Variants in KLHL12 observed in about 807,000 individuals in gnomAD.
KLHL12 encodes the protein kelch-like protein 12.
In KLHL12, 17 loss-of-function variants were observed where a neutral mutation model predicts 60.8. That is an observed-to-expected ratio of 0.28 (90% CI 0.19 to 0.42). The LOEUF (loss-of-function observed/expected upper bound fraction) is 0.42. KLHL12 is among the 10% of genes least tolerant of loss of function. The pLI is 1.00. For missense variants in KLHL12, 468 were observed against 722.3 expected (o/e 0.65, Z 4.04); for synonymous variants, 220 against 250.9 (o/e 0.88, Z 1.16).
upstream of KLHL12, among the ~76,000 whole-genome samples, chr1:202,927,565 C>G (rs1240374651): frequency 6.7e-6 from 1 of 149,148 alleles, no homozygotes; most frequent in Non-Finnish European, 1.5e-5. Flanking sequence ...CGCCTGTAGT[C>G]CCAGCTACTC....
chr1:202,918,471 T>C (rs1660590335), intron 3 of KLHL12, 83 bp from the exon 4 acceptor site: 2 of 1,038,274 alleles, frequency 1.9e-6, no homozygotes, highest in African/African-American at 3.2e-5. Flanking sequence ...CAGCATCTTC[T>C]CTACATGTTA....
chr1:202,895,502 GC>G lies in KLHL12; in HGVS notation c.1135+19del. On this transcript the variant is annotated intron_variant, in intron 8 of 11. Coordinates refer to ENST00000367261, the MANE Select transcript of KLHL12 (RefSeq NM_021633.4). This position sits in a 1 kb window ranked among gnomAD's most constrained non-coding sequence, Gnocchi z 4.2. ...CAGCCACAGTAAGATGGAAATAATT[GC>G]CCTGCACATCCAGCCTACCTCCCAG... 6.2e-7 allele frequency: 1 copy of G among 1,604,438 alleles called. No homozygotes were observed. Among genetic ancestry groups the G allele is most frequent in the Non-Finnish European group, 8.5e-7 (1 of 1,174,318 alleles).
At chr1:202,902,756 A>G (rs1358184450) in intron 6 of KLHL12, among the ~76,000 whole-genome samples, 1 of 152,128 alleles carries the variant, frequency 6.6e-6, no homozygotes, top group Non-Finnish European at 1.5e-5. Flanking sequence ...TTGGGAGGCC[A>G]AAGCAGGCAG....
intron 6 of KLHL12, among the ~76,000 whole-genome samples, chr1:202,899,265 T>C (rs921340876): frequency 3.9e-5 from 6 of 152,290 alleles, no homozygotes; most frequent in African/African-American, 4.8e-5. Flanking sequence ...TGAGCTGAGA[T>C]AGCGCCACTA....
intron 6 of KLHL12, among the ~76,000 whole-genome samples, chr1:202,908,625 A>C (rs1308246138): frequency 6.6e-6 from 1 of 152,142 alleles, no homozygotes; most frequent in Non-Finnish European, 1.5e-5. Flanking sequence ...GAATGGAAAA[A>C]CCACATAAGG....
chr1:202,893,822 T>C lies in KLHL12; in HGVS notation c.1393+362A>G, dbSNP rs1196069158. On this transcript the variant is annotated intron_variant, in intron 10 of 11. Transcript: ENST00000367261. The surrounding 1 kb of genome is among the most constrained non-coding windows in gnomAD (Gnocchi z 4.1). Reference sequence around the variant, plus strand: ...AACAGCACAGTGCTCTCTCCTTTTCTATATCCCAGCCTGCTCCACTTCAAA... The same window carrying C: ...AACAGCACAGTGCTCTCTCCTTTTCCATATCCCAGCCTGCTCCACTTCAAA... Among the ~76,000 whole-genome samples, 1 of 152,238 alleles carries C rather than the reference T, an allele frequency of 6.6e-6. No homozygotes were observed. The highest frequency in any genetic ancestry group is 1.5e-5 in the Non-Finnish European group (1 of 68,044).
Position 202,895,454 on chromosome 1 carries a change from A to C in KLHL12, c.1135+68T>G, listed in dbSNP as rs1659803587. 10 of 1,338,280 alleles carry C rather than the reference A, an allele frequency of 7.5e-6. No individual in the cohort carries two copies. The highest frequency in any genetic ancestry group is 1.0e-5 in the Non-Finnish European group (10 of 958,776). The allele number at this position is 1,338,280 out of a possible 1,614,324, so 82.9% of individuals were successfully genotyped here. A position where few individuals can be genotyped will look rare whatever the true frequency, so the allele number is the denominator to read the frequency against. ...GTATTTCATGCTCCTGCCAGACAAC[A>C]GGAGAGGTTAAAAACCCTGGTCCAG... On this transcript the variant is annotated intron_variant, in intron 8 of 11. Transcript: ENST00000367261. The surrounding 1 kb of genome is among the most constrained non-coding windows in gnomAD (Gnocchi z 4.2).
At chr1:202,894,549 C>T (rs1185474469) in intron 9 of KLHL12, 42 bp downstream of exon 9, 1 of 1,599,428 alleles carries the variant, frequency 6.3e-7, no homozygotes, top group Non-Finnish European at 8.6e-7. Context: ...CAGCCCATTA[C>T]CCATTGAGTT....
At chr1:202,922,383 T>C (rs1571544331) in intron 2 of KLHL12, among the ~76,000 whole-genome samples, 2 of 143,900 alleles carry the variant, frequency 1.4e-5, no homozygotes, top group Non-Finnish European at 3.0e-5. Context: ...CTGGCTAACA[T>C]GGTGAAACCC....
chr1:202,895,529 G>A lies in KLHL12; in HGVS notation c.1128C>T (p.Thr376=), dbSNP rs780003210. The A allele has an allele frequency of 1.2e-6, 2 of 1,613,240 alleles. No homozygotes were observed. Among genetic ancestry groups the A allele is most frequent in the Non-Finnish European group, 1.7e-6 (2 of 1,179,584 alleles). Residue 376 remains threonine, a synonymous_variant, in exon 8 of 12, where the codon ACC becomes ACT. Coordinates refer to ENST00000367261, the MANE Select transcript of KLHL12 (RefSeq NM_021633.4). The surrounding 1 kb of genome is among the most constrained non-coding windows in gnomAD (Gnocchi z 4.2). The stretch of plus-strand genomic sequence containing the variant: ...CCTGCACATCCAGCCTACCTCCCAG[G>A]GTGGTGGCTCCAGCAAGACCTCGTC... ...NVRRGLAGAT[T]LGDMIYVSGG... is the part of the protein sequence containing the mutation.
At position 202,918,816 on chromosome 1, in the gene KLHL12, T is replaced by G. The variant is rs999727654; in HGVS notation, c.350-428A>C. Among the ~76,000 whole-genome samples the G allele has an allele frequency of 2.0e-5, 3 of 152,264 alleles. No homozygotes were observed. The East Asian group carries it at 5.8e-4, about 29-fold the overall frequency. On this transcript the variant is annotated intron_variant, in intron 3 of 11. Coordinates refer to ENST00000367261, the MANE Select transcript of KLHL12 (RefSeq NM_021633.4). ...AGTAATAACAAATCTCATATTTATCTAATTGAAAAGTTCAGAGTATTTTAA... is the reference window on the plus strand; with the variant it reads ...AGTAATAACAAATCTCATATTTATCGAATTGAAAAGTTCAGAGTATTTTAA...
chr1:202,893,685 C>G lies in KLHL12; in HGVS notation c.1394-260G>C, dbSNP rs1262567408. Among the ~76,000 whole-genome samples the G allele has an allele frequency of 6.6e-6, 1 of 152,028 alleles. No homozygotes were observed. Among genetic ancestry groups the G allele is most frequent in the African/African-American group, 2.4e-5 (1 of 41,352 alleles). ...TTCATTAACTCAGAGCCCAACCCTT[C>G]TAATTAGGAGAAAGGGAGGAAGTGA... On this transcript the variant is annotated intron_variant, in intron 10 of 11. Coordinates refer to ENST00000367261, the MANE Select transcript of KLHL12 (RefSeq NM_021633.4). This position sits in a 1 kb window ranked among gnomAD's most constrained non-coding sequence, Gnocchi z 4.1.
At position 202,892,558 on chromosome 1, in the gene KLHL12, C is replaced by A; in HGVS notation, c.1682G>T (p.Gly561Val). ...TSMGTQRCDA[G>V]VCVLREK ...TCACTTCTCGCGGAGAACACAAACA[C>A]CAGCATCACAGCGCTGGGTTCCCAT... Residue 561 changes from glycine (G) to valine (V), a missense_variant, in exon 12 of 12, where the codon GGT becomes GTT. Coordinates refer to ENST00000367261, the MANE Select transcript of KLHL12 (RefSeq NM_021633.4). 5.6e-6 allele frequency: 9 copies of A among 1,613,952 alleles called. No homozygotes were observed. Among genetic ancestry groups the A allele is most frequent in the Non-Finnish European group, 7.6e-6 (9 of 1,180,026 alleles).
chr1:202,893,964 C>T lies in KLHL12; in HGVS notation c.1393+220G>A, dbSNP rs944219528. 2.0e-5 allele frequency among the ~76,000 whole-genome samples: 3 copies of T among 152,116 alleles called. No homozygotes were observed. Among genetic ancestry groups the T allele is most frequent in the South Asian group, 2.1e-4 (1 of 4,820 alleles). On this transcript the variant is annotated intron_variant, in intron 10 of 11. Coordinates refer to ENST00000367261, the MANE Select transcript of KLHL12 (RefSeq NM_021633.4). This position sits in a 1 kb window ranked among gnomAD's most constrained non-coding sequence, Gnocchi z 4.1. ...CAAAATTGTACTAGATATTCTAAAA[C>T]GTAGGGAGAGAACAAAGACATGAAG...
At chr1:202,894,486 T>C in intron 9 of KLHL12, 105 bp downstream of exon 9, 1 of 1,137,208 alleles carries the variant, frequency 8.8e-7, no homozygotes, top group Non-Finnish European at 1.3e-6. Context: ...ACCAGGGTTT[T>C]AGTTGAAGGG....
chr1:202,893,828 C>T lies in KLHL12; in HGVS notation c.1393+356G>A, dbSNP rs1557984052. ...ACAGTGCTCTCTCCTTTTCTATATC[C>T]CAGCCTGCTCCACTTCAAAAAGCTC... On this transcript the variant is annotated intron_variant, in intron 10 of 11. Transcript: ENST00000367261. This position sits in a 1 kb window ranked among gnomAD's most constrained non-coding sequence, Gnocchi z 4.1. Among the ~76,000 whole-genome samples the T allele has an allele frequency of 2.6e-5, 4 of 152,130 alleles. No homozygotes were observed. The highest frequency in any genetic ancestry group is 5.9e-5 in the Non-Finnish European group (4 of 68,028).
rs1659814029 is a variant in KLHL12 at position 202,895,746 on chromosome 1, G to A, written c.940-29C>T. On this transcript the variant is annotated intron_variant, in intron 7 of 11. Transcript: ENST00000367261. This position sits in a 1 kb window ranked among gnomAD's most constrained non-coding sequence, Gnocchi z 4.2. ...TGGATTTGGAGAGAAGAGGTACAGA[G>A]CATTTCAGTTAGGCAAGTTTTGGGC... The A allele has an allele frequency of 6.3e-7, 1 of 1,594,284 alleles. No individual in the cohort carries two copies. Among genetic ancestry groups the A allele is most frequent in the African/African-American group, 1.3e-5 (1 of 74,516 alleles).
At chr1:202,892,713 G>A (rs1234555623) in intron 11 of KLHL12, 54 bp from the exon 12 acceptor site, 31 of 1,590,580 alleles carry the variant, frequency 1.9e-5, no homozygotes, top group Middle Eastern at 1.8e-4. Flanking sequence ...GCAGTGGCAC[G>A]TGCCTGTAAT....
intron 4 of KLHL12, among the ~76,000 whole-genome samples, chr1:202,917,192 T>TC (rs1288144536): frequency 1.3e-5 from 2 of 152,090 alleles, no homozygotes; most frequent in Non-Finnish European, 2.9e-5. Context: ...ACAGGTAGTA[T>TC]CCCCCTGGTA....
Sources: allele counts gnomAD v4.1 joint callset (sites outside exome capture counted in the v4.1 genomes callset), GRCh38; gene constraint gnomAD v4.1.1; non-coding constraint Gnocchi (gnomAD v3.1); transcripts MANE v1.5; gene names NCBI Gene and HGNC (gene_info 2026-07-23, HGNC 2026-07-21).